The following LRP5 variants were observed in gnomAD, a reference collection of about 807,000 sequenced individuals.
LRP5 encodes the protein low-density lipoprotein receptor-related protein 5.
Under a neutral mutation model 154.1 loss-of-function variants are expected in LRP5, and 62 were observed. The ratio of observed to expected loss-of-function variants is 0.40; its 90% CI spans 0.33 to 0.50. LRP5 has a LOEUF of 0.50. Among genes scored for constraint, LRP5 ranks in the 20% least tolerant of loss-of-function variants. The pLI is 0.55. For synonymous variants in LRP5, 966 were observed against 1,011.5 expected (o/e 0.96, Z 0.85); for missense variants, 1,915 against 2,336.7 (o/e 0.82, Z 3.72).
Position 68,406,681 on chromosome 11 carries a change from C to G in LRP5, c.1959C>G (p.Ala653=). 1.9e-6 allele frequency: 3 copies of G among 1,614,184 alleles called. No homozygotes were observed. In the South Asian group the frequency reaches 3.3e-5, roughly 18 times the overall value. ...PEAFLVFTSR[A]AIHRISLETN... The stretch of plus-strand genomic sequence containing the variant: ...CCTTCTTGGTCTTCACCAGCAGAGC[C>G]GCCATCCACAGGATCTCCCTCGAGA... The change falls in exon 9 of 23, where the codon GCC becomes GCG. Residue 653 remains alanine, a synonymous_variant. Coordinates refer to ENST00000294304, the MANE Select transcript of LRP5 (RefSeq NM_002335.4).
In LRP5 at chr11:68,449,221, G is replaced by A; in HGVS notation, c.*151G>A. On this transcript the variant is annotated 3_prime_UTR_variant, in exon 23 of 23. Transcript: ENST00000294304. Reference sequence around the variant, plus strand: ...GAACTGTGATGGGGTGGGCAGGGCTGGGAGAACTTTGTACAGTGGAGAAAT... The same window carrying A: ...GAACTGTGATGGGGTGGGCAGGGCTAGGAGAACTTTGTACAGTGGAGAAAT... 2.0e-6 allele frequency: 1 copy of A among 495,014 alleles called. No homozygotes were observed. The highest frequency in any genetic ancestry group is 3.4e-6 in the Non-Finnish European group (1 of 295,794). 30.7% of individuals were successfully genotyped at this position (495,014 alleles called of 1,614,324 possible).
At chr11:68,323,847 GCCACCTGGTCGCTGCTCAGGGGGCC>G (rs1489158976) in intron 1 of LRP5, among the ~76,000 whole-genome samples, 1 of 152,238 alleles carries the variant, frequency 6.6e-6, no homozygotes, top group Non-Finnish European at 1.5e-5. Flanking sequence ...TCATGCACTT[GCCACCTGGTCGCTGCTCAGGGGGCC>G]CAGGGAGTTT....
At chr11:68,366,070 G>A (rs1387433177) in intron 5 of LRP5, among the ~76,000 whole-genome samples, 1 of 152,082 alleles carries the variant, frequency 6.6e-6, no homozygotes, top group Non-Finnish European at 1.5e-5. Context: ...GGTTCGGGGC[G>A]GGCCCTTCGG....
intron 5 of LRP5, among the ~76,000 whole-genome samples, chr11:68,379,867 C>T (rs1269845109): frequency 6.6e-6 from 1 of 152,196 alleles, no homozygotes; most frequent in Admixed American, 6.5e-5. Flanking sequence ...CGTGGTGGCT[C>T]ACGCCTGTAA....
chr11:68,438,474 C>T lies in LRP5; in HGVS notation c.4140C>T (p.Ser1380=). The T allele has an allele frequency of 6.2e-7, 1 of 1,614,208 alleles. No individual in the cohort carries two copies. The highest frequency in any genetic ancestry group is 8.5e-7 in the Non-Finnish European group (1 of 1,180,046). Residue 1380 remains serine (S), a synonymous_variant, in exon 20 of 23, where the codon AGC becomes AGT. Transcript: ENST00000294304. ...CEITKPPSDD[S]PAHSSAIGPV... is the part of the protein sequence containing the mutation. ...TCACCAAGCCGCCCTCAGACGACAGCCCGGCCCACAGCAGTGCCATCGGGC... is the reference window on the plus strand; with the variant it reads ...TCACCAAGCCGCCCTCAGACGACAGTCCGGCCCACAGCAGTGCCATCGGGC...
At chr11:68,443,463 C>T (rs1381193081) in intron 21 of LRP5, among the ~76,000 whole-genome samples, 11 of 124,080 alleles carry the variant, frequency 8.9e-5, no homozygotes, top group Non-Finnish European at 9.8e-5. Context: ...GCACTCCAGC[C>T]TGGGCGACAG....
At chr11:68,422,519 C>T (rs2098666370) in intron 13 of LRP5, among the ~76,000 whole-genome samples, 1 of 152,180 alleles carries the variant, frequency 6.6e-6, no homozygotes, top group Non-Finnish European at 1.5e-5. Flanking sequence ...CCTACGTCAG[C>T]TCAGTAAGAG....
chr11:68,435,206 C>T (rs1474868657), intron 18 of LRP5, among the ~76,000 whole-genome samples: 5 of 152,220 alleles, frequency 3.3e-5, no homozygotes, highest in East Asian at 3.8e-4. Context: ...AGCCCTGCTG[C>T]GCATCCTGGC....
intron 5 of LRP5, among the ~76,000 whole-genome samples, chr11:68,378,189 TC>T (rs2098638433): frequency 1.3e-5 from 2 of 152,136 alleles, no homozygotes; most frequent in Non-Finnish European, 2.9e-5. Flanking sequence ...AAACCTGTTT[TC>T]CCACATTGGG....
intron 1 of LRP5, among the ~76,000 whole-genome samples, chr11:68,335,984 C>A (rs997923727): frequency 6.6e-6 from 1 of 152,110 alleles, no homozygotes; most frequent in Non-Finnish European, 1.5e-5. Flanking sequence ...AGCAAGTAGG[C>A]GAGCTCAAGT....
At chr11:68,325,639 G>A (rs751967308) in intron 1 of LRP5, among the ~76,000 whole-genome samples, 1 of 152,210 alleles carries the variant, frequency 6.6e-6, no homozygotes, top group Non-Finnish European at 1.5e-5. Flanking sequence ...GGGCAGTAGC[G>A]AGCTGCAGGT....
At chr11:68,392,428 C>T (rs1186841516) in intron 7 of LRP5, among the ~76,000 whole-genome samples, 7 of 151,930 alleles carry the variant, frequency 4.6e-5, no homozygotes, top group African/African-American at 1.2e-4. Flanking sequence ...CGCTTGAGCC[C>T]GGGAGGTGGA....
rs565614824 is a variant in LRP5 at position 68,396,789 on chromosome 11, G to A, written c.1585-6694G>A. Among the ~76,000 whole-genome samples the A allele has an allele frequency of 8.3e-4, 127 of 152,212 alleles. 1 individual carries two copies. The highest frequency in any genetic ancestry group is 2.8e-3 in the African/African-American group (116 of 41,544). On this transcript the variant is annotated intron_variant, in intron 7 of 22. Transcript: ENST00000294304. Reference sequence around the variant, plus strand: ...ATCATCAGTGACAGCTGGGAGTGGCGGTGGTTCCAGCCCTGGGCACCCTCC... The same window carrying A: ...ATCATCAGTGACAGCTGGGAGTGGCAGTGGTTCCAGCCCTGGGCACCCTCC...
chr11:68,342,036 C>T (rs1029820739), intron 1 of LRP5, among the ~76,000 whole-genome samples: 1 of 151,288 alleles, frequency 6.6e-6, no homozygotes, highest in African/African-American at 2.4e-5. Flanking sequence ...AGTGTGCTGC[C>T]TCTACAGGCT....
chr11:68,409,837 C>T (rs1205928921), intron 9 of LRP5, 77 bp from the exon 10 acceptor site: 18 of 1,177,224 alleles, frequency 1.5e-5, no homozygotes, highest in South Asian at 8.8e-5. Flanking sequence ...GCAAGAAGAG[C>T]GAAACTCCGT....
At chr11:68,367,416 C>G (rs894364596) in intron 5 of LRP5, among the ~76,000 whole-genome samples, 16 of 152,190 alleles carry the variant, frequency 1.1e-4, no homozygotes, top group African/African-American at 3.9e-4. Flanking sequence ...TACCTGGGCC[C>G]TGGTGGAGCA....
chr11:68,409,902 A>G lies in LRP5; in HGVS notation c.2092-12A>G. 1.9e-6 allele frequency: 3 copies of G among 1,606,126 alleles called. No individual in the cohort carries two copies. In the South Asian group the frequency reaches 3.3e-5, roughly 18 times the overall value. On this transcript the variant is annotated splice_polypyrimidine_tract_variant and intron_variant, in intron 9 of 22. Transcript: ENST00000294304. Reference sequence around the variant, plus strand: ...CTAAAATGTGGCCCTTTTCCTCCTCACCTGCTGCCAGACCATCAGCCGCGC... The same window carrying G: ...CTAAAATGTGGCCCTTTTCCTCCTCGCCTGCTGCCAGACCATCAGCCGCGC...
intron 1 of LRP5, among the ~76,000 whole-genome samples, chr11:68,331,137 T>C (rs2098602511): frequency 6.6e-6 from 1 of 152,234 alleles, no homozygotes; most frequent in Non-Finnish European, 1.5e-5. Context: ...GCTCCAGGCC[T>C]TGTGCCCCTC....
intron 1 of LRP5, among the ~76,000 whole-genome samples, chr11:68,317,865 C>T (rs4988331): frequency 0.12 from 17,842 of 152,074 alleles, 1,327 homozygotes; most frequent in African/African-American, 0.21. Flanking sequence ...CCAGAGGTTC[C>T]GCCACAGGGA....
Sources: gnomAD v4.1 joint callset for allele counts (sites outside exome capture counted in the v4.1 genomes callset) on GRCh38, gnomAD v4.1.1 for gene constraint, MANE v1.5 for transcripts, NCBI Gene and HGNC (gene_info 2026-07-23, HGNC 2026-07-21) for gene names.